DAP3: variants seen among roughly 807,000 people sequenced by gnomAD.
The protein encoded by DAP3 is death associated protein 3.
Under a neutral mutation model 51.9 loss-of-function variants are expected in DAP3, and 28 were observed. The observed-to-expected ratio is 0.54, with a 90% CI of 0.40 to 0.74. The LOEUF is 0.74. DAP3 is among the 30% of genes least tolerant of loss of function. DAP3 has a pLI of 0.00. For missense variants in DAP3, 458 were observed against 483.5 expected, an observed-to-expected ratio of 0.95 and a Z score of 0.49; for synonymous variants, 170 against 170.3, an observed-to-expected ratio of 1.00 and a Z score of 0.01.
chr1:155,711,346 A>G (rs1459706218), intron 2 of DAP3, among the ~76,000 whole-genome samples: 1 of 152,118 alleles, frequency 6.6e-6, no homozygotes, highest in African/African-American at 2.4e-5. Context: ...TACAAAAATT[A>G]GCTGCGTGTG....
At chr1:155,720,820 C>G (rs557770437) in intron 3 of DAP3, among the ~76,000 whole-genome samples, 1 of 151,902 alleles carries the variant, frequency 6.6e-6, no homozygotes. Context: ...GAGCGGATCA[C>G]GAGGTCAAGA....
At chr1:155,707,602 G>A (rs544747967) in intron 1 of DAP3, among the ~76,000 whole-genome samples, 21 of 152,166 alleles carry the variant, frequency 1.4e-4, no homozygotes, top group African/African-American at 5.1e-4. Flanking sequence ...CACATGATAT[G>A]AAAATAATAA....
At chr1:155,713,738 A>T (rs545601638) in intron 2 of DAP3, among the ~76,000 whole-genome samples, 1 of 152,340 alleles carries the variant, frequency 6.6e-6, no homozygotes, top group Non-Finnish European at 1.5e-5. Context: ...GACCTTAATC[A>T]AAATTACTCA....
At chr1:155,693,508 T>C (rs2149106204) in intron 1 of DAP3, among the ~76,000 whole-genome samples, 1 of 142,180 alleles carries the variant, frequency 7.0e-6, no homozygotes, top group East Asian at 1.9e-4. Flanking sequence ...GGCATGTTTT[T>C]CAGTGTAAAT....
intron 7 of DAP3, among the ~76,000 whole-genome samples, chr1:155,728,841 C>T (rs1236300865): frequency 1.4e-5 from 2 of 141,276 alleles, no homozygotes; most frequent in Admixed American, 7.3e-5. Context: ...GCCTGGGTTA[C>T]AGAGAAAGAA....
At chr1:155,703,490 T>C (rs1655568812) in intron 1 of DAP3, among the ~76,000 whole-genome samples, 1 of 152,208 alleles carries the variant, frequency 6.6e-6, no homozygotes, top group Admixed American at 6.5e-5. Context: ...TTATGGGAGC[T>C]GAAATTCAAG....
upstream of DAP3, chr1:155,688,090 G>T: frequency 6.3e-7 from 1 of 1,594,246 alleles, no homozygotes; most frequent in Non-Finnish European, 8.6e-7. Flanking sequence ...GGCCGAGAGC[G>T]ATGAGAGTAC....
At chr1:155,709,960 T>C in intron 2 of DAP3, 136 bp downstream of exon 2, 1 of 714,350 alleles carries the variant, frequency 1.4e-6, no homozygotes, top group Non-Finnish European at 2.3e-6. Flanking sequence ...GTAGAATAAT[T>C]GTGCTTGAGA....
At chr1:155,721,205 A>T (rs997972207) in intron 3 of DAP3, among the ~76,000 whole-genome samples, 6 of 150,864 alleles carry the variant, frequency 4.0e-5, no homozygotes, top group African/African-American at 1.5e-4. Flanking sequence ...GTGCGGTGGC[A>T]GATTGTAATG....
intron 1 of DAP3, among the ~76,000 whole-genome samples, chr1:155,690,884 C>G (rs1326038301): frequency 1.4e-5 from 2 of 142,030 alleles, no homozygotes; most frequent in East Asian, 3.9e-4. Flanking sequence ...GGACTACAGG[C>G]ACATGCCACC....
chr1:155,702,198 C>T (rs552942000), intron 1 of DAP3, among the ~76,000 whole-genome samples: 2 of 151,060 alleles, frequency 1.3e-5, no homozygotes, highest in Non-Finnish European at 2.9e-5. Context: ...GGCCAGGCCC[C>T]GTGGCTCACA....
chr1:155,721,925 G>T, intron 4 of DAP3: 1 of 483,646 alleles, frequency 2.1e-6, no homozygotes, highest in Non-Finnish European at 3.7e-6. Context: ...CTGCACAAAA[G>T]CAAAATCATA....
chr1:155,702,951 A>G (rs748200535), intron 1 of DAP3, among the ~76,000 whole-genome samples: 1 of 152,232 alleles, frequency 6.6e-6, no homozygotes, highest in African/African-American at 2.4e-5. Context: ...CCTGGGTGAC[A>G]GAGTGAGACT....
In DAP3 at chr1:155,737,001, C is replaced by G. The variant is rs1557805320; in HGVS notation, c.1049C>G (p.Pro350Arg). The G allele has an allele frequency of 4.3e-6, 7 of 1,614,008 alleles. No homozygotes were observed. The East Asian group carries it at 1.6e-4, about 36-fold the overall frequency. The change falls in exon 12 of 13, where the codon CCA becomes CGA. Residue 350 changes from proline (P) to arginine (R), a missense_variant. Pro to Arg is a moderately radical substitution (Grantham distance 103, BLOSUM62 -2). Transcript: ENST00000368336. Reference protein sequence around the residue: ...FIPILVSNYNPKEFESCIQYY... With the variant: ...FIPILVSNYNRKEFESCIQYY... ...CCCATCCTGGTTTCCAACTATAACC[C>G]AAAGGAATTTGAAAGTTGTATTCAG...
chr1:155,688,934 C>T (rs760613801), upstream of DAP3: 1 of 1,612,932 alleles, frequency 6.2e-7, no homozygotes, highest in South Asian at 1.1e-5. Context: ...ACCTACCTCC[C>T]TGGGTTCGTC....
intron 2 of DAP3, among the ~76,000 whole-genome samples, chr1:155,716,427 G>A (rs1657344599): frequency 6.6e-6 from 1 of 151,992 alleles, no homozygotes; most frequent in Non-Finnish European, 1.5e-5. Flanking sequence ...CAAAAAATTA[G>A]CCAGGCGTGG....
At chr1:155,732,415 G>A (rs1659340742) in intron 11 of DAP3, among the ~76,000 whole-genome samples, 1 of 151,898 alleles carries the variant, frequency 6.6e-6, no homozygotes, top group Non-Finnish European at 1.5e-5. Context: ...ATTTTTAGTA[G>A]AGACGAGGTT....
At chr1:155,688,953 G>A (rs766504302), upstream of DAP3, 3 of 1,611,270 alleles carry the variant, frequency 1.9e-6, no homozygotes, top group East Asian at 2.2e-5. Flanking sequence ...TCGCCGCGGC[G>A]CTGCGGCTCG....
intron 2 of DAP3, chr1:155,710,229 C>CTT (rs537481688): frequency 2.9e-4 from 40 of 137,062 alleles, no homozygotes; most frequent in South Asian, 4.6e-4. Context: ...TTTTTCAGTA[C>CTT]TTTTTTTTTT....
Sources: allele counts gnomAD v4.1 joint callset (sites outside exome capture counted in the v4.1 genomes callset), GRCh38; gene constraint gnomAD v4.1.1; transcripts MANE v1.5; gene names NCBI Gene and HGNC (gene_info 2026-07-23, HGNC 2026-07-21).